PPP4R3A: variants seen among roughly 807,000 people sequenced by gnomAD.
The protein encoded by PPP4R3A is serine/threonine-protein phosphatase 4 regulatory subunit 3A.
In PPP4R3A, 15 loss-of-function variants were observed where a neutral mutation model predicts 91.7. The observed-to-expected ratio is 0.16, with a 90% CI of 0.11 to 0.25. PPP4R3A has a LOEUF of 0.25. PPP4R3A is among the 10% of genes least tolerant of loss of function. PPP4R3A has a pLI of 1.00. For missense variants in PPP4R3A, 623 were observed against 998.4 expected (o/e 0.62, Z 5.07); for synonymous variants, 377 against 348.7 (o/e 1.08, Z -0.91).
chr14:91,508,279 G>C (rs537265542), intron 1 of PPP4R3A, among the ~76,000 whole-genome samples: 1 of 152,306 alleles, frequency 6.6e-6, no homozygotes, highest in Admixed American at 6.5e-5. Context: ...ATATACTCCA[G>C]ATTACCACTT....
At chr14:91,488,979 C>T (rs1400223488) in intron 2 of PPP4R3A, among the ~76,000 whole-genome samples, 1 of 147,284 alleles carries the variant, frequency 6.8e-6, no homozygotes, top group Non-Finnish European at 1.5e-5. Flanking sequence ...GCAATCTCGG[C>T]TCACTGCAAG....
At chr14:91,478,408 A>G (rs1312865420) in intron 4 of PPP4R3A, among the ~76,000 whole-genome samples, 3 of 152,262 alleles carry the variant, frequency 2.0e-5, no homozygotes, top group South Asian at 2.1e-4. Context: ...GGGGCTATAC[A>G]AAGTGGGCAG....
upstream of PPP4R3A, chr14:91,510,442 G>C (rs1347330220): frequency 6.5e-6 from 1 of 152,774 alleles, no homozygotes; most frequent in African/African-American, 2.4e-5. Context: ...GAGTTGCCGA[G>C]GTGGCGGGAG....
rs1889204654 is a variant in PPP4R3A, at chr14:91,476,343, G to T, written c.1110+65C>A. 9.1e-6 allele frequency: 10 copies of T among 1,102,172 alleles called. No homozygotes were observed. The East Asian group carries it at 1.9e-4, about 21-fold the overall frequency. The allele number at this position is 1,102,172 out of a possible 1,614,324, so 68.3% of individuals were successfully genotyped here. A position where few individuals can be genotyped will look rare whatever the true frequency, so the allele number is the denominator to read the frequency against. On this transcript the variant is annotated intron_variant, in intron 6 of 14. Coordinates refer to ENST00000554943, the MANE Select transcript of PPP4R3A (RefSeq NM_001366432.2). Reference sequence around the variant, plus strand: ...GGCTATAATAGAATATTTGCATGTAGCATTAAAAATATTAATTTTGGGATT... The same window carrying T: ...GGCTATAATAGAATATTTGCATGTATCATTAAAAATATTAATTTTGGGATT...
chr14:91,459,065 T>G (rs968498981), intron 14 of PPP4R3A, among the ~76,000 whole-genome samples, 196 bp from the exon 15 acceptor site: 1 of 152,140 alleles, frequency 6.6e-6, no homozygotes, highest in Non-Finnish European at 1.5e-5. Flanking sequence ...TGCATACTTT[T>G]TTACAATAAG....
chr14:91,460,858 T>C (rs1177026997), intron 14 of PPP4R3A, among the ~76,000 whole-genome samples: 1 of 152,000 alleles, frequency 6.6e-6, no homozygotes, highest in African/African-American at 2.4e-5. Context: ...TGACCTCGTG[T>C]CCTGCCCGCC....
At chr14:91,489,193 C>T (rs1890086451) in intron 2 of PPP4R3A, among the ~76,000 whole-genome samples, 1 of 152,130 alleles carries the variant, frequency 6.6e-6, no homozygotes, top group African/African-American at 2.4e-5. Context: ...AGGTGTGAGC[C>T]ACCACGCCTG....
intron 13 of PPP4R3A, 187 bp from the exon 14 acceptor site, chr14:91,461,794 G>A (rs780744514): frequency 2.6e-5 from 22 of 832,220 alleles, no homozygotes; most frequent in Non-Finnish European, 3.8e-5. Context: ...CCCCAGAGAA[G>A]AATTGAAACC....
intron 11 of PPP4R3A, 63 bp downstream of exon 11, chr14:91,465,187 A>C: frequency 8.1e-6 from 10 of 1,230,070 alleles, no homozygotes; most frequent in Non-Finnish European, 1.1e-5. Flanking sequence ...AATACTAGGT[A>C]ATGCATATTC....
intron 1 of PPP4R3A, among the ~76,000 whole-genome samples, chr14:91,505,669 G>T (rs536181154): frequency 6.6e-6 from 1 of 152,052 alleles, no homozygotes; most frequent in African/African-American, 2.4e-5. Flanking sequence ...AAGTTTTTTT[G>T]GGGAAAAGCT....
intron 1 of PPP4R3A, among the ~76,000 whole-genome samples, chr14:91,497,290 A>G (rs1183097326): frequency 6.6e-6 from 1 of 151,848 alleles, no homozygotes; most frequent in Non-Finnish European, 1.5e-5. Flanking sequence ...AAACACATCT[A>G]TCCTCTCCAA....
intron 1 of PPP4R3A, among the ~76,000 whole-genome samples, chr14:91,504,980 C>G (rs1197716636): frequency 1.3e-5 from 2 of 152,152 alleles, no homozygotes; most frequent in Admixed American, 6.6e-5. Context: ...TAAAACTACC[C>G]AGCCTTTCTA....
At position 91,497,616 on chromosome 14, in the gene PPP4R3A, T is replaced by C. The variant is rs535747922; in HGVS notation, c.143-6814A>G. ...AAGTTCTAATGTCTACTAATTGATATGTGCACTTGGACTTTCTCAAAAAAA... is the reference window on the plus strand; with the variant it reads ...AAGTTCTAATGTCTACTAATTGATACGTGCACTTGGACTTTCTCAAAAAAA... On this transcript the variant is annotated intron_variant, in intron 1 of 14. Coordinates refer to ENST00000554943, the MANE Select transcript of PPP4R3A (RefSeq NM_001366432.2). 9.8e-5 allele frequency among the ~76,000 whole-genome samples: 15 copies of C among 152,338 alleles called. No homozygotes were observed. In the South Asian group the frequency reaches 3.1e-3, roughly 32 times the overall value.
Position 91,485,722 on chromosome 14 carries a change from C to G in PPP4R3A, c.207G>C (p.Leu69=), listed in dbSNP as rs761533982. The change falls in exon 3 of 15, where the codon CTG becomes CTC. Residue 69 remains leucine (L), a synonymous_variant. Coordinates refer to ENST00000554943, the MANE Select transcript of PPP4R3A (RefSeq NM_001366432.2). Reference sequence around the variant, plus strand: ...AATTTTCTGCTTCAGACCACACAATCAGAGTGTCCTTTGGAGACATAAAAG... The same window carrying G: ...AATTTTCTGCTTCAGACCACACAATGAGAGTGTCCTTTGGAGACATAAAAG... ...NTAYQKQQDT[L]IVWSEAENYD... 3 of 1,604,858 alleles carry G rather than the reference C, an allele frequency of 1.9e-6. No individual in the cohort carries two copies. The highest frequency in any genetic ancestry group is 2.5e-6 in the Non-Finnish European group (3 of 1,179,208).
At chr14:91,465,051 A>G (rs1888392522) in intron 11 of PPP4R3A, among the ~76,000 whole-genome samples, 199 bp downstream of exon 11, 1 of 152,072 alleles carries the variant, frequency 6.6e-6, no homozygotes, top group Non-Finnish European at 1.5e-5. Flanking sequence ...CAAGGGGTTG[A>G]GGACCCCTGC....
chr14:91,503,153 A>G (rs1891063354), intron 1 of PPP4R3A, among the ~76,000 whole-genome samples: 1 of 152,030 alleles, frequency 6.6e-6, no homozygotes, highest in Non-Finnish European at 1.5e-5. Flanking sequence ...TGCCCAGCTA[A>G]TTTTCTAAAC....
At chr14:91,490,308 A>T (rs1034708500) in intron 2 of PPP4R3A, among the ~76,000 whole-genome samples, 5 of 152,200 alleles carry the variant, frequency 3.3e-5, no homozygotes, top group African/African-American at 1.2e-4. Flanking sequence ...GTAGTATCAT[A>T]ATAAGACCCT....
At chr14:91,465,146 A>G in intron 11 of PPP4R3A, 104 bp downstream of exon 11, 1 of 864,146 alleles carries the variant, frequency 1.2e-6, no homozygotes, top group Non-Finnish European at 1.6e-6. Context: ...TTTTTTTTTA[A>G]ATCTCTCCAA....
At chr14:91,490,828 T>A (rs1567159313) in intron 1 of PPP4R3A, 26 bp from the exon 2 acceptor site, 1 of 1,567,054 alleles carries the variant, frequency 6.4e-7, no homozygotes, top group East Asian at 2.3e-5. Context: ...AGACATTCCA[T>A]TATGTTACTG....
Sources: allele counts gnomAD v4.1 joint callset (sites outside exome capture counted in the v4.1 genomes callset), GRCh38; gene constraint gnomAD v4.1.1; transcripts MANE v1.5; gene names NCBI Gene and HGNC (gene_info 2026-07-23, HGNC 2026-07-21).